The following SNTG1 variants were observed in gnomAD, a reference collection of about 807,000 sequenced individuals.
The protein encoded by SNTG1 is gamma-1-syntrophin.
In SNTG1, 39 loss-of-function variants were observed where a neutral mutation model predicts 74.7. That is an observed-to-expected ratio of 0.52 (90% CI 0.40 to 0.68). The LOEUF (loss-of-function observed/expected upper bound fraction) is 0.68, where lower values mean the gene tolerates loss of function less well. SNTG1 is among the 30% of genes least tolerant of loss of function. The pLI is 0.00. For missense variants in SNTG1, 685 were observed against 609.5 expected, an observed-to-expected ratio of 1.12 and a Z score of -1.30; for synonymous variants, 254 against 217.1, an observed-to-expected ratio of 1.17 and a Z score of -1.49.
At chr8:50,502,170 T>C (rs192969735) in intron 8 of SNTG1, among the ~76,000 whole-genome samples, 2 of 152,296 alleles carry the variant, frequency 1.3e-5, no homozygotes, top group East Asian at 3.9e-4. Context: ...ATGCTATTGA[T>C]AATAACAGGT....
intron 2 of SNTG1, among the ~76,000 whole-genome samples, chr8:50,260,715 G>A (rs2087144548): frequency 7.1e-6 from 1 of 140,770 alleles, no homozygotes; most frequent in Admixed American, 7.3e-5. Context: ...TTCAAGAGTA[G>A]ATAGGTAATG....
At chr8:50,130,621 G>T (rs916616685) in intron 1 of SNTG1, among the ~76,000 whole-genome samples, 6 of 96,694 alleles carry the variant, frequency 6.2e-5, no homozygotes, top group Admixed American at 5.5e-4. Context: ...AAATTAGAAA[G>T]AATTTTTGTT....
At chr8:50,643,951 T>C (rs1445573241) in intron 13 of SNTG1, 3 of 152,228 alleles carry the variant, frequency 2.0e-5, no homozygotes, top group Admixed American at 6.6e-5. Flanking sequence ...ATGGTGCTCC[T>C]GAATGGGGAA....
intron 1 of SNTG1, among the ~76,000 whole-genome samples, chr8:50,141,892 AG>A (rs570683211): frequency 1.2e-3 from 181 of 152,212 alleles, no homozygotes; most frequent in Non-Finnish European, 2.0e-3. Flanking sequence ...AGAAAATAAA[AG>A]CTGGGCATAT....
At chr8:50,233,752 C>T (rs1302350760) in intron 2 of SNTG1, among the ~76,000 whole-genome samples, 2 of 150,840 alleles carry the variant, frequency 1.3e-5, no homozygotes, top group Non-Finnish European at 3.0e-5. Context: ...AATGAAGACA[C>T]ATTTCACTAA....
At chr8:50,185,289 C>T (rs2083338842) in intron 2 of SNTG1, among the ~76,000 whole-genome samples, 1 of 152,176 alleles carries the variant, frequency 6.6e-6, no homozygotes, top group Non-Finnish European at 1.5e-5. Context: ...CATTCTCTTT[C>T]CTGTTGCCCT....
chr8:50,362,069 C>A (rs2091974964), intron 2 of SNTG1, among the ~76,000 whole-genome samples: 1 of 152,130 alleles, frequency 6.6e-6, no homozygotes. Context: ...TATTTACCCC[C>A]AAATGTGCTT....
At chr8:50,545,918 G>A (rs761603616) in intron 11 of SNTG1, among the ~76,000 whole-genome samples, 18 of 152,100 alleles carry the variant, frequency 1.2e-4, no homozygotes, top group Admixed American at 2.6e-4. Context: ...ACAATAAAGC[G>A]AAATATGAAT....
intron 1 of SNTG1, among the ~76,000 whole-genome samples, chr8:50,013,390 T>C (rs1400676920): frequency 6.6e-6 from 1 of 152,122 alleles, no homozygotes. Context: ...ACAACTTTCT[T>C]TAATTATTGA....
At chr8:50,065,851 T>C (rs1261143053) in intron 1 of SNTG1, among the ~76,000 whole-genome samples, 1 of 150,190 alleles carries the variant, frequency 6.7e-6, no homozygotes, top group Non-Finnish European at 1.5e-5. Flanking sequence ...GTAGATATCT[T>C]CCTAGGATGT....
chr8:50,709,053 C>T (rs186924590), intron 17 of SNTG1, 75 bp downstream of exon 17: 1 of 1,011,648 alleles, frequency 9.9e-7, no homozygotes. Context: ...TGCCTCATAA[C>T]TCCTTTCAGC....
chr8:50,477,534 C>T (rs2093706527), intron 8 of SNTG1, among the ~76,000 whole-genome samples: 1 of 152,032 alleles, frequency 6.6e-6, no homozygotes, highest in Non-Finnish European at 1.5e-5. Context: ...CAAAAGGAGC[C>T]TAAATAGACA....
chr8:50,037,825 T>C lies in SNTG1; in HGVS notation c.-103+125594T>C, dbSNP rs138418902. Among the ~76,000 whole-genome samples the C allele has an allele frequency of 4.6e-3, 706 of 152,248 alleles. 4 individuals carry two copies. The highest frequency in any genetic ancestry group is 0.016 in the African/African-American group (663 of 41,550). ...ATGGTAAATACGTAATAAATCATAA[T>C]TAAAGTAATAATAACAATCTCCCTT... On this transcript the variant is annotated intron_variant, in intron 1 of 18. Coordinates refer to ENST00000642720, the MANE Select transcript of SNTG1 (RefSeq NM_018967.5).
intron 15 of SNTG1, among the ~76,000 whole-genome samples, chr8:50,679,830 T>C (rs1235718851): frequency 6.6e-6 from 1 of 152,142 alleles, no homozygotes; most frequent in Non-Finnish European, 1.5e-5. Flanking sequence ...CTTTTGAAGA[T>C]TGCTTTTCTC....
At chr8:50,340,949 CA>C (rs948443185) in intron 2 of SNTG1, among the ~76,000 whole-genome samples, 3 of 151,846 alleles carry the variant, frequency 2.0e-5, no homozygotes, top group Non-Finnish European at 4.4e-5. Flanking sequence ...TGTTCACACA[CA>C]AAAAAATTTT....
chr8:50,699,736 A>G (rs149300799), intron 15 of SNTG1, among the ~76,000 whole-genome samples: 1 of 152,208 alleles, frequency 6.6e-6, no homozygotes. Flanking sequence ...CTACTGGGGC[A>G]TAAGTCAAAC....
intron 1 of SNTG1, among the ~76,000 whole-genome samples, chr8:50,091,706 T>C (rs203611): frequency 0.87 from 131,930 of 152,180 alleles, 57,324 homozygotes; most frequent in East Asian, 0.99. Context: ...ACCTAAGGTG[T>C]TGTTTATGTT....
chr8:50,557,559 A>G (rs2094463620), intron 12 of SNTG1, among the ~76,000 whole-genome samples: 1 of 152,154 alleles, frequency 6.6e-6, no homozygotes, highest in African/African-American at 2.4e-5. Flanking sequence ...GGCTGCCAGC[A>G]TTCCCTGGCT....
chr8:50,693,000 G>A (rs777784091), intron 15 of SNTG1, among the ~76,000 whole-genome samples: 46 of 152,150 alleles, frequency 3.0e-4, no homozygotes, highest in Non-Finnish European at 6.2e-4. Flanking sequence ...ATTGATCTCG[G>A]ACTGCTGTGT....
Sources: allele counts gnomAD v4.1 joint callset (sites outside exome capture counted in the v4.1 genomes callset), GRCh38; gene constraint gnomAD v4.1.1; transcripts MANE v1.5; gene names NCBI Gene and HGNC (gene_info 2026-07-23, HGNC 2026-07-21).